The following PLOD2 variants were observed in gnomAD, a reference collection of about 807,000 sequenced individuals.
PLOD2 encodes lysine hydroxylase 2.
PLOD2 carries 65 observed loss-of-function variants against 101.0 expected under a neutral mutation model. The observed-to-expected ratio is 0.64, with a 90% CI of 0.53 to 0.79. The LOEUF is 0.79. Among genes scored for constraint, PLOD2 ranks in the 30% least tolerant of loss-of-function variants. The pLI is 0.00. For synonymous variants in PLOD2, 314 were observed against 302.9 expected, an observed-to-expected ratio of 1.04 and a Z score of -0.38; for missense variants, 909 against 914.6, an observed-to-expected ratio of 0.99 and a Z score of 0.08.
intron 10 of PLOD2, 126 bp downstream of exon 10, chr3:146,086,661 T>C: frequency 1.7e-6 from 1 of 583,934 alleles, no homozygotes; most frequent in Non-Finnish European, 2.9e-6. Flanking sequence ...AGTTGGCTAC[T>C]GCATACGCAA....
chr3:146,093,890 T>A (rs955689359), intron 7 of PLOD2, among the ~76,000 whole-genome samples: 1 of 152,212 alleles, frequency 6.6e-6, no homozygotes, highest in Admixed American at 6.5e-5. Context: ...TCCTACCCTC[T>A]GCTTTTTATC....
chr3:146,094,091 G>A (rs907678211), intron 7 of PLOD2, among the ~76,000 whole-genome samples: 1 of 152,114 alleles, frequency 6.6e-6, no homozygotes, highest in Admixed American at 6.6e-5. Flanking sequence ...GGCTGTTTAT[G>A]CAGTTAGGCT....
At chr3:146,132,730 G>C (rs2030989001) in intron 1 of PLOD2, among the ~76,000 whole-genome samples, 1 of 152,038 alleles carries the variant, frequency 6.6e-6, no homozygotes, top group South Asian at 2.1e-4. Flanking sequence ...GGAATATTAT[G>C]ATCAAGAATT....
chr3:146,117,370 T>C (rs1937959180), intron 3 of PLOD2, among the ~76,000 whole-genome samples: 1 of 152,148 alleles, frequency 6.6e-6, no homozygotes, highest in African/African-American at 2.4e-5. Context: ...AGAATGGGCA[T>C]CATATTTCAA....
intron 12 of PLOD2, among the ~76,000 whole-genome samples, chr3:146,080,340 GT>G (rs1279948728): frequency 1.3e-5 from 2 of 151,960 alleles, no homozygotes; most frequent in Non-Finnish European, 2.9e-5. Context: ...TGTAATAAAA[GT>G]TACATGAATG....
At chr3:146,134,380 A>G (rs963485890) in intron 1 of PLOD2, among the ~76,000 whole-genome samples, 2 of 152,184 alleles carry the variant, frequency 1.3e-5, no homozygotes, top group East Asian at 3.8e-4. Flanking sequence ...AAATGTATAT[A>G]CTAGATATAA....
intron 1 of PLOD2, among the ~76,000 whole-genome samples, chr3:146,160,354 T>TAGCCAGGC (rs1478782945): frequency 2.0e-5 from 3 of 152,156 alleles, no homozygotes. Flanking sequence ...AGGTACTGGG[T>TAGCCAGGC]AGCCAGGCAG....
intron 3 of PLOD2, among the ~76,000 whole-genome samples, chr3:146,110,950 T>C (rs1361368138): frequency 6.6e-6 from 1 of 152,234 alleles, no homozygotes; most frequent in African/African-American, 2.4e-5. Flanking sequence ...TAGCATGGAA[T>C]CTTAAAATAA....
chr3:146,096,816 G>A (rs1334372202), intron 7 of PLOD2, among the ~76,000 whole-genome samples: 6 of 137,736 alleles, frequency 4.4e-5, no homozygotes, highest in South Asian at 2.4e-4. Flanking sequence ...TCCTCTGCCC[G>A]GCCGCCCCTA....
At position 146,076,914 on chromosome 3, in the gene PLOD2, C is replaced by T. The variant is rs761443520; in HGVS notation, c.1564-19G>A. Reference sequence around the variant, plus strand: ...ATACACCCTATATGCCAGAAAATAACAGTATTAATCTTAGAGGTAGGTACA... The same window carrying T: ...ATACACCCTATATGCCAGAAAATAATAGTATTAATCTTAGAGGTAGGTACA... On this transcript the variant is annotated intron_variant, in intron 14 of 19. Transcript: ENST00000282903. 2.0e-6 allele frequency: 3 copies of T among 1,464,110 alleles called. No individual in the cohort carries two copies. Among genetic ancestry groups the T allele is most frequent in the Non-Finnish European group, 1.9e-6 (2 of 1,047,790 alleles). The allele number at this position is 1,464,110 out of a possible 1,614,324, so 90.7% of individuals were successfully genotyped here.
chr3:146,116,727 A>G (rs935195577), intron 3 of PLOD2, among the ~76,000 whole-genome samples: 1 of 152,194 alleles, frequency 6.6e-6, no homozygotes, highest in Non-Finnish European at 1.5e-5. Context: ...GGTTAATGAT[A>G]TAAGCCATGC....
At chr3:146,124,573 A>T (rs2030429675) in intron 1 of PLOD2, among the ~76,000 whole-genome samples, 1 of 152,142 alleles carries the variant, frequency 6.6e-6, no homozygotes. Flanking sequence ...CTAATCAACA[A>T]ACTTCAACAT....
At chr3:146,146,778 A>T (rs2031800684) in intron 1 of PLOD2, among the ~76,000 whole-genome samples, 1 of 152,188 alleles carries the variant, frequency 6.6e-6, no homozygotes, top group Non-Finnish European at 1.5e-5. Flanking sequence ...GCTATTCTAG[A>T]AGTCACTGCT....
chr3:146,116,346 A>G (rs928151373), intron 3 of PLOD2, among the ~76,000 whole-genome samples: 4 of 152,160 alleles, frequency 2.6e-5, no homozygotes, highest in Non-Finnish European at 5.9e-5. Flanking sequence ...AATCACAATA[A>G]AATGATTAAA....
At chr3:146,112,716 T>C (rs994874510) in intron 3 of PLOD2, among the ~76,000 whole-genome samples, 3 of 151,664 alleles carry the variant, frequency 2.0e-5, no homozygotes, top group Non-Finnish European at 4.4e-5. Context: ...CTGTGCGTGG[T>C]GATGTGCGCC....
chr3:146,077,554 C>G (rs1044532397), intron 14 of PLOD2: 2 of 244,746 alleles, frequency 8.2e-6, no homozygotes, highest in Admixed American at 1.0e-4. Flanking sequence ...TATTTTATAC[C>G]TACTTCTACC....
intron 17 of PLOD2, among the ~76,000 whole-genome samples, chr3:146,072,141 C>T (rs1936165001): frequency 6.6e-6 from 1 of 151,710 alleles, no homozygotes; most frequent in Non-Finnish European, 1.5e-5. Flanking sequence ...TCAGATCCCT[C>T]CTTCCTATCT....
rs181385251 is a variant in PLOD2 at position 146,087,709 on chromosome 3, A to G, written c.1006-801T>C. On this transcript the variant is annotated intron_variant, in intron 9 of 19. Transcript: ENST00000282903. Reference sequence around the variant, plus strand: ...GATAAGACAAAAACGTCCGCCATCAAGGATTTTAAGGCCCCATGAAAGCAG... The same window carrying G: ...GATAAGACAAAAACGTCCGCCATCAGGGATTTTAAGGCCCCATGAAAGCAG... 2.6e-5 allele frequency among the ~76,000 whole-genome samples: 4 copies of G among 152,030 alleles called. No homozygotes were observed. In the East Asian group the frequency reaches 7.7e-4, roughly 29 times the overall value.
intron 1 of PLOD2, among the ~76,000 whole-genome samples, chr3:146,147,067 C>A (rs749554640): frequency 6.7e-6 from 1 of 149,100 alleles, no homozygotes; most frequent in Non-Finnish European, 1.5e-5. Flanking sequence ...TATCCTCTTG[C>A]AGGTTAAAAT....
Sources: allele counts gnomAD v4.1 joint callset (sites outside exome capture counted in the v4.1 genomes callset), GRCh38; gene constraint gnomAD v4.1.1; transcripts MANE v1.5; gene names NCBI Gene and HGNC (gene_info 2026-07-23, HGNC 2026-07-21).